Variants in RFX2 observed in about 807,000 individuals in gnomAD.
RFX2 encodes regulatory factor X2.
Under a neutral mutation model 87.8 loss-of-function variants are expected in RFX2, and 20 were observed. The observed-to-expected ratio is 0.23, with a 90% CI of 0.16 to 0.33. The LOEUF (loss-of-function observed/expected upper bound fraction) is 0.33. Among genes scored for constraint, RFX2 ranks in the 10% least tolerant of loss-of-function variants. The probability of loss-of-function intolerance (pLI) is 1.00; values close to 1 mark genes in which losing one functional copy is unlikely to be tolerated. For missense variants in RFX2, 767 were observed against 1,012.3 expected, an observed-to-expected ratio of 0.76 and a Z score of 3.29; for synonymous variants, 397 against 431.3, an observed-to-expected ratio of 0.92 and a Z score of 0.98.
chr19:5,997,156 G>A lies in RFX2; in HGVS notation c.1917C>T (p.His639=), dbSNP rs1293816709. The A allele has an allele frequency of 1.2e-6, 2 of 1,613,588 alleles. No individual in the cohort carries two copies. The highest frequency in any genetic ancestry group is 1.1e-5 in the South Asian group (1 of 91,094). The change falls in exon 16 of 18, where the codon CAC becomes CAT. Residue 639 remains histidine (H), a synonymous_variant. Coordinates refer to ENST00000303657, the MANE Select transcript of RFX2 (RefSeq NM_000635.4). This position sits in a 1 kb window ranked among gnomAD's most constrained non-coding sequence, Gnocchi z 4.2. ...ACTCGTCGTAGAGCAGGCGGATGAG[G>A]TGGAAGGAGCCGAAGCTGGCAGCGC... ...LRSAASFGSF[H]LIRLLYDEYM... is the part of the protein sequence containing the mutation.
At chr19:6,067,659 G>A (rs1425613709) in intron 1 of RFX2, among the ~76,000 whole-genome samples, 5 of 152,242 alleles carry the variant, frequency 3.3e-5, no homozygotes, top group Admixed American at 1.3e-4. Context: ...TTTGGGACCA[G>A]GAGAGGGTGA....
rs142641215 is a variant in RFX2 at position 6,097,659 on chromosome 19, C to T, written c.-9+12734G>A. Among the ~76,000 whole-genome samples, 217 of 152,196 alleles carry T rather than the reference C, an allele frequency of 1.4e-3. 1 individual carries two copies. The highest frequency in any genetic ancestry group is 4.9e-3 in the African/African-American group (203 of 41,514). On this transcript the variant is annotated intron_variant, in intron 1 of 17. Transcript: ENST00000303657. ...AGGCTGGAGTGCAGTGGTGCAAACACGGCTCAAGTAACTCGTGGGCTCAAG... is the reference window on the plus strand; with the variant it reads ...AGGCTGGAGTGCAGTGGTGCAAACATGGCTCAAGTAACTCGTGGGCTCAAG...
chr19:6,041,931 T>C (rs2087113897), intron 4 of RFX2, 113 bp downstream of exon 4: 2 of 832,998 alleles, frequency 2.4e-6, no homozygotes, highest in East Asian at 2.4e-5. Flanking sequence ...CAGTATTTAG[T>C]GAACACATCG....
Position 6,038,093 on chromosome 19 carries a change from G to A in RFX2, c.522+1887C>T, listed in dbSNP as rs968955181. 3.1e-4 allele frequency among the ~76,000 whole-genome samples: 47 copies of A among 152,016 alleles called. 1 individual carries two copies. The highest frequency in any genetic ancestry group is 4.4e-4 in the Non-Finnish European group (30 of 68,000). On this transcript the variant is annotated intron_variant, in intron 5 of 17. Transcript: ENST00000303657. ...TGTAATCCCAGCACTTTGGGAGGCC[G>A]AGGTGAGCAGATCACTTGAGGTCAG...
chr19:6,009,044 C>T (rs146135270), intron 9 of RFX2, among the ~76,000 whole-genome samples: 1,774 of 152,204 alleles, frequency 0.012, 16 homozygotes, highest in Admixed American at 0.03. Context: ...TGTCACCTCC[C>T]AGGAACATTA....
At chr19:6,025,145 A>G (rs10423680) in intron 6 of RFX2, among the ~76,000 whole-genome samples, 22,158 of 152,112 alleles carry the variant, frequency 0.15, 4,732 homozygotes, top group African/African-American at 0.47. Context: ...TATGTGCAAA[A>G]CCGAATCAAG....
intron 1 of RFX2, among the ~76,000 whole-genome samples, chr19:6,080,453 G>A (rs78597455): frequency 0.042 from 6,344 of 152,188 alleles, 444 homozygotes; most frequent in African/African-American, 0.14. Context: ...TCCTTGTCAG[G>A]CAAGAATACA....
At chr19:6,057,106 A>G (rs144259115) in intron 1 of RFX2, 2 of 152,374 alleles carry the variant, frequency 1.3e-5, no homozygotes, top group South Asian at 2.1e-4. Context: ...AGCCTTTGGA[A>G]TCCACGAAAC....
At chr19:6,090,019 T>C (rs2087911041) in intron 1 of RFX2, among the ~76,000 whole-genome samples, 1 of 152,164 alleles carries the variant, frequency 6.6e-6, no homozygotes, top group Non-Finnish European at 1.5e-5. Flanking sequence ...TGGAGTACAG[T>C]GGCATGTACA....
chr19:6,085,639 C>T (rs2087846412), intron 1 of RFX2, among the ~76,000 whole-genome samples: 1 of 152,092 alleles, frequency 6.6e-6, no homozygotes, highest in African/African-American at 2.4e-5. Context: ...TCTGTTTTTC[C>T]TTTTGTCGTG....
chr19:6,106,212 G>A (rs2088213858), intron 1 of RFX2, among the ~76,000 whole-genome samples: 1 of 150,804 alleles, frequency 6.6e-6, no homozygotes, highest in African/African-American at 2.5e-5. Flanking sequence ...AATTCCCAGT[G>A]TATATTCCAT....
At chr19:6,093,004 G>T (rs1285696245) in intron 1 of RFX2, among the ~76,000 whole-genome samples, 1 of 152,186 alleles carries the variant, frequency 6.6e-6, no homozygotes, top group Non-Finnish European at 1.5e-5. Context: ...CCCCGGTCCT[G>T]CTGGAGGCGG....
intron 1 of RFX2, among the ~76,000 whole-genome samples, chr19:6,093,010 G>C (rs2144886659): frequency 6.6e-6 from 1 of 152,294 alleles, no homozygotes; most frequent in South Asian, 2.1e-4. Context: ...TCCTGCTGGA[G>C]GCGGCGTAGT....
rs1599944449 is a variant in RFX2 at position 6,110,078 on chromosome 19, C to T, written c.-9+315G>A. On this transcript the variant is annotated intron_variant, in intron 1 of 17. Coordinates refer to ENST00000303657, the MANE Select transcript of RFX2 (RefSeq NM_000635.4). The surrounding 1 kb of genome is among the most constrained non-coding windows in gnomAD (Gnocchi z 4.3). ...AGACGTTCCCGGGGCGCCCCCAACT[C>T]AGCGAGTTTGAAGGTAAGCGTGAGA... 2.6e-5 allele frequency among the ~76,000 whole-genome samples: 4 copies of T among 152,186 alleles called. No individual in the cohort carries two copies. The South Asian group carries it at 8.3e-4, about 32-fold the overall frequency.
intron 13 of RFX2, among the ~76,000 whole-genome samples, chr19:6,003,737 C>CCATTGCACT (rs1457396291): frequency 2.9e-5 from 4 of 136,316 alleles, no homozygotes; most frequent in African/African-American, 8.5e-5. Context: ...TGAGATAACA[C>CCATTGCACT]CATTGCACTC....
intron 4 of RFX2, 106 bp downstream of exon 4, chr19:6,041,938 A>G: frequency 1.2e-6 from 1 of 865,050 alleles, no homozygotes; most frequent in African/African-American, 1.6e-5. Flanking sequence ...TAGTGAACAC[A>G]TCGCCAAAAG....
intron 1 of RFX2, among the ~76,000 whole-genome samples, chr19:6,097,612 G>C (rs1235564705): frequency 6.6e-6 from 1 of 151,960 alleles, no homozygotes; most frequent in Non-Finnish European, 1.5e-5. Context: ...TTATTTTAGA[G>C]ACAGGTCTCA....
At chr19:6,046,605 CTTTTTTTT>C (rs55854937) in intron 2 of RFX2, among the ~76,000 whole-genome samples, 68 of 90,562 alleles carry the variant, frequency 7.5e-4, no homozygotes, top group African/African-American at 2.2e-3. Context: ...GCCTTTTTGC[CTTTTTTTT>C]TTTTTTTTTT....
intron 1 of RFX2, among the ~76,000 whole-genome samples, chr19:6,106,488 G>C (rs2088219307): frequency 6.6e-6 from 1 of 152,190 alleles, no homozygotes; most frequent in Non-Finnish European, 1.5e-5. Context: ...CTCACTTGGT[G>C]ACAAAAGCTG....
Sources: gnomAD v4.1 joint callset for allele counts (sites outside exome capture counted in the v4.1 genomes callset) on GRCh38, gnomAD v4.1.1 for gene constraint, Gnocchi (gnomAD v3.1) non-coding constraint, MANE v1.5 for transcripts, NCBI Gene and HGNC (gene_info 2026-07-23, HGNC 2026-07-21) for gene names.